The following CNTNAP2 variants were observed in gnomAD, a reference collection of about 807,000 sequenced individuals.
CNTNAP2 encodes the protein contactin associated protein 2.
Under a neutral mutation model 155.2 loss-of-function variants are expected in CNTNAP2, and 98 were observed. The ratio of observed to expected loss-of-function variants is 0.63; its 90% CI spans 0.54 to 0.75. CNTNAP2 has a LOEUF of 0.75. Among genes scored for constraint, CNTNAP2 ranks in the 30% least tolerant of loss-of-function variants. CNTNAP2 has a pLI of 0.00. For synonymous variants in CNTNAP2, 651 were observed against 631.2 expected, an observed-to-expected ratio of 1.03 and a Z score of -0.47; for missense variants, 1,727 against 1,688.1, an observed-to-expected ratio of 1.02 and a Z score of -0.40.
intron 18 of CNTNAP2, among the ~76,000 whole-genome samples, chr7:148,181,387 T>C (rs1256633525): frequency 6.6e-6 from 1 of 152,106 alleles, no homozygotes; most frequent in Non-Finnish European, 1.5e-5. Context: ...AGTCAGAAAA[T>C]ATTTATGGAT....
At chr7:147,468,118 CA>C (rs1027859772) in intron 10 of CNTNAP2, among the ~76,000 whole-genome samples, 27 of 148,530 alleles carry the variant, frequency 1.8e-4, no homozygotes, top group South Asian at 6.4e-4. Flanking sequence ...CCCATCTCTA[CA>C]AAAAAAAAAT....
intron 1 of CNTNAP2, among the ~76,000 whole-genome samples, chr7:146,558,277 GT>G (rs1471758777): frequency 1.3e-5 from 2 of 152,058 alleles, no homozygotes; most frequent in African/African-American, 2.4e-5. Flanking sequence ...AAGTCCACAT[GT>G]TTTATGTCAC....
chr7:147,972,648 A>G (rs891616194), intron 14 of CNTNAP2, among the ~76,000 whole-genome samples: 1 of 152,232 alleles, frequency 6.6e-6, no homozygotes, highest in Non-Finnish European at 1.5e-5. Flanking sequence ...AGCATGTAAG[A>G]GTCTTAGTTC....
intron 14 of CNTNAP2, among the ~76,000 whole-genome samples, chr7:147,919,116 C>T (rs570215729): frequency 6.6e-6 from 1 of 152,130 alleles, no homozygotes; most frequent in South Asian, 2.1e-4. Flanking sequence ...AGGAAGAAAT[C>T]CATGAACTAA....
chr7:146,577,946 G>A (rs555106070), intron 1 of CNTNAP2, among the ~76,000 whole-genome samples: 2 of 152,188 alleles, frequency 1.3e-5, no homozygotes, highest in African/African-American at 4.8e-5. Flanking sequence ...AGAGACCTGG[G>A]TATGGTAAGT....
intron 1 of CNTNAP2, among the ~76,000 whole-genome samples, chr7:146,494,226 C>T (rs1204716009): frequency 6.6e-6 from 1 of 151,840 alleles, no homozygotes; most frequent in African/African-American, 2.4e-5. Flanking sequence ...CCCAGCTACT[C>T]AGGAGGCTGA....
At chr7:146,743,111 C>G (rs1307085521) in intron 1 of CNTNAP2, among the ~76,000 whole-genome samples, 1 of 151,794 alleles carries the variant, frequency 6.6e-6, no homozygotes, top group Non-Finnish European at 1.5e-5. Flanking sequence ...AATGTGAAAT[C>G]CAGTATTAAG....
chr7:146,997,773 C>A (rs371338055), intron 3 of CNTNAP2, among the ~76,000 whole-genome samples: 8 of 152,004 alleles, frequency 5.3e-5, no homozygotes, highest in African/African-American at 1.9e-4. Context: ...ATAATTCAAT[C>A]TTGGTAAGTT....
intron 13 of CNTNAP2, among the ~76,000 whole-genome samples, chr7:147,842,587 C>CTTT (rs3055146): frequency 3.8e-4 from 32 of 84,382 alleles, no homozygotes; most frequent in South Asian, 8.9e-4. Flanking sequence ...TTTTACTTTT[C>CTTT]TTTTTTTTTT....
chr7:147,578,550 G>A (rs2116822423), intron 12 of CNTNAP2, among the ~76,000 whole-genome samples: 1 of 151,964 alleles, frequency 6.6e-6, no homozygotes, highest in East Asian at 1.9e-4. Flanking sequence ...ACATGCAAAG[G>A]GTTTCTTTAA....
At chr7:146,577,026 C>G (rs1346975186) in intron 1 of CNTNAP2, among the ~76,000 whole-genome samples, 1 of 152,106 alleles carries the variant, frequency 6.6e-6, no homozygotes, top group Non-Finnish European at 1.5e-5. Context: ...ATCTTATCAC[C>G]TGCCATCATT....
chr7:146,656,933 T>G (rs714584), intron 1 of CNTNAP2, among the ~76,000 whole-genome samples: 71,765 of 151,962 alleles, frequency 0.47, 17,744 homozygotes, highest in South Asian at 0.58. Flanking sequence ...AAACAATTTT[T>G]TGTACATTGA....
chr7:147,732,480 A>C (rs1796760152), intron 13 of CNTNAP2, among the ~76,000 whole-genome samples: 1 of 152,060 alleles, frequency 6.6e-6, no homozygotes, highest in Non-Finnish European at 1.5e-5. Context: ...TATTGTGAAT[A>C]GTGCCACAAT....
chr7:148,339,993 G>A (rs568630869), intron 21 of CNTNAP2, among the ~76,000 whole-genome samples: 2 of 151,792 alleles, frequency 1.3e-5, no homozygotes, highest in South Asian at 4.2e-4. Context: ...GTGTGTGTGT[G>A]TGTGTGTGTG....
chr7:146,946,819 A>T (rs1457716579), intron 3 of CNTNAP2, among the ~76,000 whole-genome samples: 1 of 145,954 alleles, frequency 6.9e-6, no homozygotes, highest in Non-Finnish European at 1.5e-5. Context: ...AACAACTCAA[A>T]AACTGCAATT....
At chr7:147,273,926 T>C (rs1338439623) in intron 8 of CNTNAP2, among the ~76,000 whole-genome samples, 1 of 148,158 alleles carries the variant, frequency 6.7e-6, no homozygotes, top group Non-Finnish European at 1.5e-5. Flanking sequence ...ATATATTTCA[T>C]ATATATGTAA....
chr7:147,152,175 A>T (rs774942694), intron 8 of CNTNAP2, among the ~76,000 whole-genome samples: 2 of 152,134 alleles, frequency 1.3e-5, no homozygotes, highest in Non-Finnish European at 2.9e-5. Context: ...CTGCTTCTGG[A>T]AACTACATAA....
chr7:147,284,698 G>A (rs555333726), intron 8 of CNTNAP2, among the ~76,000 whole-genome samples: 3 of 151,802 alleles, frequency 2.0e-5, no homozygotes, highest in South Asian at 2.1e-4. Context: ...CTGTTTTAAC[G>A]TACTCACCTA....
At chr7:147,284,615 A>G (rs1805135470) in intron 8 of CNTNAP2, among the ~76,000 whole-genome samples, 1 of 151,988 alleles carries the variant, frequency 6.6e-6, no homozygotes, top group East Asian at 1.9e-4. Flanking sequence ...TATCACATTT[A>G]GTTTATAATC....
Sources: gnomAD v4.1 joint callset for allele counts (sites outside exome capture counted in the v4.1 genomes callset) on GRCh38, gnomAD v4.1.1 for gene constraint, MANE v1.5 for transcripts, NCBI Gene and HGNC (gene_info 2026-07-23, HGNC 2026-07-21) for gene names.